Variants in STRN3 observed in about 807,000 individuals in gnomAD.
STRN3 encodes striatin-3.
Under a neutral mutation model 95.6 loss-of-function variants are expected in STRN3, and 29 were observed. The observed-to-expected ratio is 0.30, with a 90% CI of 0.23 to 0.41. The LOEUF (loss-of-function observed/expected upper bound fraction) is 0.41, where lower values mean the gene tolerates loss of function less well. Among genes scored for constraint, STRN3 ranks in the 10% least tolerant of loss-of-function variants. The probability of loss-of-function intolerance (pLI) is 1.00; values close to 1 mark genes in which losing one functional copy is unlikely to be tolerated. For missense variants in STRN3, 890 were observed against 972.1 expected (o/e 0.92, Z 1.12); for synonymous variants, 331 against 357.6 (o/e 0.93, Z 0.84).
intron 5 of STRN3, among the ~76,000 whole-genome samples, chr14:30,945,948 G>T (rs190603511): frequency 1.6e-3 from 240 of 152,184 alleles, no homozygotes; most frequent in African/African-American, 5.1e-3. Flanking sequence ...AATTCTTTAA[G>T]TATTCTAAAA....
intron 1 of STRN3, among the ~76,000 whole-genome samples, chr14:31,019,886 C>CTTT (rs67956918): frequency 7.7e-5 from 11 of 143,046 alleles, no homozygotes; most frequent in Non-Finnish European, 9.1e-5. Context: ...CACTCATTTT[C>CTTT]TTTTTTTTTT....
Position 31,001,399 on chromosome 14 carries a change from G to C in STRN3, c.282+24505C>G, listed in dbSNP as rs562822717. On this transcript the variant is annotated intron_variant, in intron 1 of 17. Coordinates refer to ENST00000357479, the MANE Select transcript of STRN3 (RefSeq NM_001083893.2). The stretch of plus-strand genomic sequence containing the variant: ...AAAATTTAAAAATTTTGCCGGGCAT[G>C]GTGATGTGCGCCTGCAGTTACAGCT... Among the ~76,000 whole-genome samples, 6 of 152,118 alleles carry C rather than the reference G, an allele frequency of 3.9e-5. No homozygotes were observed. The South Asian group carries it at 1.2e-3, about 32-fold the overall frequency.
chr14:31,018,880 T>C (rs1172866982), intron 1 of STRN3: 1 of 293,778 alleles, frequency 3.4e-6, no homozygotes, highest in African/African-American at 2.3e-5. Context: ...CCCAGCATTT[T>C]GGGAGGCCAG....
chr14:31,009,620 T>TTA (rs397798563), intron 1 of STRN3, among the ~76,000 whole-genome samples: 9 of 151,064 alleles, frequency 6.0e-5, no homozygotes, highest in Admixed American at 2.6e-4. Context: ...TTTTTTTTTT[T>TTA]ACATTTCTGT....
intron 1 of STRN3, among the ~76,000 whole-genome samples, chr14:31,006,490 G>A (rs192881850): frequency 6.6e-6 from 1 of 152,088 alleles, no homozygotes; most frequent in African/African-American, 2.4e-5. Context: ...GAGGTTAGGA[G>A]TTCGAGACCA....
chr14:31,007,649 T>G (rs1882778373), intron 1 of STRN3, among the ~76,000 whole-genome samples: 1 of 152,104 alleles, frequency 6.6e-6, no homozygotes, highest in African/African-American at 2.4e-5. Flanking sequence ...ACATCCATAA[T>G]TCCAACAACT....
intron 14 of STRN3, among the ~76,000 whole-genome samples, chr14:30,906,591 C>T (rs972641045): frequency 2.0e-5 from 3 of 151,968 alleles, no homozygotes; most frequent in Non-Finnish European, 1.5e-5. Context: ...AGGTGGTGTG[C>T]CTCCTGTTGT....
At chr14:30,973,426 C>G (rs951222574) in intron 1 of STRN3, among the ~76,000 whole-genome samples, 2 of 151,866 alleles carry the variant, frequency 1.3e-5, no homozygotes, top group African/African-American at 4.8e-5. Flanking sequence ...AGAGGAGAGA[C>G]TCAAATTACT....
intron 1 of STRN3, among the ~76,000 whole-genome samples, chr14:31,023,341 G>A (rs565252649): frequency 5.9e-5 from 9 of 152,306 alleles, no homozygotes; most frequent in African/African-American, 2.2e-4. Context: ...AAGAATCAGA[G>A]ACAGAAGAGC....
At chr14:30,921,885 T>C (rs1372185045) in intron 8 of STRN3, among the ~76,000 whole-genome samples, 1 of 152,136 alleles carries the variant, frequency 6.6e-6, no homozygotes, top group Non-Finnish European at 1.5e-5. Flanking sequence ...TTATTATTAT[T>C]TGTGAGACAA....
At chr14:30,985,774 C>T (rs774198482) in intron 1 of STRN3, among the ~76,000 whole-genome samples, 2 of 152,130 alleles carry the variant, frequency 1.3e-5, no homozygotes, top group Admixed American at 6.5e-5. Context: ...CTTTTGCTAA[C>T]GTTTACACTT....
In STRN3 at chr14:30,895,852, T is replaced by C. The variant is rs965603363; in HGVS notation, c.2138-104A>G. The C allele has an allele frequency of 7.5e-6, 7 of 939,196 alleles. No individual in the cohort carries two copies. In the South Asian group the frequency reaches 1.1e-4, roughly 15 times the overall value. The allele number at this position is 939,196 out of a possible 1,614,324, so 58.2% of individuals were successfully genotyped here. The stretch of plus-strand genomic sequence containing the variant: ...AACATAAAACAATCATTATAGCAAC[T>C]TTTTTATTGTGGTAAAATATACACA... On this transcript the variant is annotated intron_variant, in intron 16 of 17. Coordinates refer to ENST00000357479, the MANE Select transcript of STRN3 (RefSeq NM_001083893.2).
chr14:30,918,974 G>GCTCTTGCACCT lies in STRN3; in HGVS notation c.1221_1231dup (p.Ala411GlufsTer11). On this transcript the variant is annotated frameshift_variant, in exon 9 of 18. Transcript: ENST00000357479. LOFTEE classifies it high-confidence loss of function. Reference sequence around the variant, plus strand: ...GTAGCTAAATTTTGTACCTTCCTCTGCTCTTGCACCTTCATGATCAGTCAT... The same window carrying GCTCTTGCACCT: ...GTAGCTAAATTTTGTACCTTCCTCTGCTCTTGCACCTCTCTTGCACCTTCATGATCAGTCAT... The GCTCTTGCACCT allele has an allele frequency of 6.3e-7, 1 of 1,580,872 alleles. No individual in the cohort carries two copies. The highest frequency in any genetic ancestry group is 8.6e-7 in the Non-Finnish European group (1 of 1,162,350).
At chr14:30,987,504 C>T (rs1272679032) in intron 1 of STRN3, among the ~76,000 whole-genome samples, 2 of 151,066 alleles carry the variant, frequency 1.3e-5, no homozygotes, top group Non-Finnish European at 2.9e-5. Context: ...GAGACTCCAT[C>T]TCAAAAAAAT....
At position 30,935,239 on chromosome 14, in the gene STRN3, T is replaced by G; in HGVS notation, c.912A>C (p.Glu304Asp). ...CTTCAGCAGTCACTAAAAAATCAAATTCTTTCAGTGCTTCCTCAGTATCAG... is the reference window on the plus strand; with the variant it reads ...CTTCAGCAGTCACTAAAAAATCAAAGTCTTTCAGTGCTTCCTCAGTATCAG... ...DDPDTEEALK[E>D]FDFLVTAEDG... The change falls in exon 7 of 18, where the codon GAA becomes GAC. Residue 304 changes from glutamate to aspartate, a missense_variant. Physicochemically the swap from Glu to Asp is conservative, Grantham distance 45. This residue lies in a region of STRN3 where 526 missense variants were observed against 526.3 expected (regional missense o/e 1.00). Coordinates refer to ENST00000357479, the MANE Select transcript of STRN3 (RefSeq NM_001083893.2). 1 of 1,614,120 alleles carries G rather than the reference T, an allele frequency of 6.2e-7. No homozygotes were observed. The highest frequency in any genetic ancestry group is 8.5e-7 in the Non-Finnish European group (1 of 1,179,996).
At chr14:30,971,088 A>C (rs140595692) in intron 1 of STRN3, among the ~76,000 whole-genome samples, 299 of 152,340 alleles carry the variant, frequency 2.0e-3, no homozygotes, top group African/African-American at 6.5e-3. Flanking sequence ...ACATGGAGGA[A>C]ACTTAGCGTT....
intron 16 of STRN3, among the ~76,000 whole-genome samples, chr14:30,900,214 A>G (rs1289426422): frequency 6.6e-6 from 1 of 151,384 alleles, no homozygotes; most frequent in African/African-American, 2.4e-5. Flanking sequence ...AAAAAATTAG[A>G]CAGGCGTGGT....
At chr14:30,971,567 G>T (rs1880828378) in intron 1 of STRN3, among the ~76,000 whole-genome samples, 1 of 152,190 alleles carries the variant, frequency 6.6e-6, no homozygotes, top group Non-Finnish European at 1.5e-5. Flanking sequence ...TCAGCTAGAT[G>T]GCTTAGGAAA....
chr14:30,986,397 T>C (rs948877178), intron 1 of STRN3, among the ~76,000 whole-genome samples: 1 of 152,250 alleles, frequency 6.6e-6, no homozygotes, highest in African/African-American at 2.4e-5. Context: ...AATGTGTGCT[T>C]GGCTGAAATG....
Sources: allele counts gnomAD v4.1 joint callset (sites outside exome capture counted in the v4.1 genomes callset), GRCh38; gene constraint gnomAD v4.1.1; regional missense constraint gnomAD v4.1.1; transcripts MANE v1.5; gene names NCBI Gene and HGNC (gene_info 2026-07-23, HGNC 2026-07-21).